The following ODAD2 variants were observed in gnomAD, a reference collection of about 807,000 sequenced individuals.
ODAD2 encodes the protein outer dynein arm-docking complex subunit 2.
A neutral mutation model predicts 106.8 loss-of-function variants in ODAD2; 89 were observed. The observed-to-expected ratio is 0.83, with a 90% CI of 0.70 to 0.99. The LOEUF (loss-of-function observed/expected upper bound fraction) is 0.99. Ranked by LOEUF, ODAD2 falls within the 50% of genes least tolerant of loss-of-function variation. The pLI, the probability that ODAD2 is intolerant of heterozygous loss-of-function variation, is 0.00. For missense variants in ODAD2, 1,168 were observed against 1,238.5 expected (o/e 0.94, Z 0.85); for synonymous variants, 404 against 436.2 (o/e 0.93, Z 0.92).
upstream of ODAD2, among the ~76,000 whole-genome samples, chr10:27,999,400 A>G (rs1331452669): frequency 3.3e-5 from 5 of 152,236 alleles, no homozygotes; most frequent in Middle Eastern, 6.8e-3. Flanking sequence ...GTACCCCCAA[A>G]TAGCATAGGG....
intron 17 of ODAD2, among the ~76,000 whole-genome samples, chr10:27,901,412 G>T (rs190981707): frequency 4.6e-5 from 7 of 152,164 alleles, no homozygotes; most frequent in Non-Finnish European, 8.8e-5. Flanking sequence ...CAACTAATGG[G>T]CAAAATAACC....
chr10:27,903,783 C>T lies in ODAD2; in HGVS notation c.2610+3880G>A, dbSNP rs550750423. On this transcript the variant is annotated intron_variant, in intron 17 of 19. Transcript: ENST00000305242. ...ACCTCCTATTAGATACAGCTGAGGC[C>T]CCACCAATACATGCAAGAAACCCTT... Among the ~76,000 whole-genome samples the T allele has an allele frequency of 2.2e-4, 33 of 152,124 alleles. 1 individual carries two copies. The South Asian group carries it at 5.0e-3, about 23-fold the overall frequency.
rs1849800418 is a variant in ODAD2, at chr10:27,985,172, T to C, written c.422A>G (p.Tyr141Cys). The C allele has an allele frequency of 6.3e-7, 1 of 1,579,468 alleles. No homozygotes were observed. Among genetic ancestry groups the C allele is most frequent in the Non-Finnish European group, 8.6e-7 (1 of 1,162,620 alleles). The part of the protein sequence containing the change: ...DPIVKILGSD[Y>C]NTMKENSIAL... ...AATTGAGTTTTCTTTCATTGTATTA[T>C]AATCAGAGCCCAGGATTTTTACTAT... Residue 141 changes from tyrosine to cysteine, a missense_variant, in exon 4 of 20, where the codon TAT becomes TGT. Around this residue, in one of 3 missense-constraint regions of ODAD2, gnomAD observed 430 missense variants for 452.2 expected, o/e 0.95. Coordinates refer to ENST00000305242, the MANE Select transcript of ODAD2 (RefSeq NM_018076.5).
chr10:27,847,595 TA>T (rs1051996343), intron 19 of ODAD2, among the ~76,000 whole-genome samples: 1 of 151,914 alleles, frequency 6.6e-6, no homozygotes, highest in African/African-American at 2.4e-5. Context: ...GAGAAAGAAA[TA>T]AAGGGTATTC....
At chr10:27,885,825 A>G in intron 17 of ODAD2, among the ~76,000 whole-genome samples, 1 of 97,208 alleles carries the variant, frequency 1.0e-5, no homozygotes, top group South Asian at 2.6e-4. Context: ...TATATAATAT[A>G]TAAATATATA....
intron 19 of ODAD2, chr10:27,813,385 T>C (rs964953830): frequency 6.6e-6 from 1 of 152,228 alleles, no homozygotes; most frequent in African/African-American, 2.4e-5. Flanking sequence ...CACGTATTTT[T>C]CCCTTTTCAA....
At chr10:27,941,947 T>C (rs764790751) in intron 12 of ODAD2, among the ~76,000 whole-genome samples, 5 of 152,176 alleles carry the variant, frequency 3.3e-5, no homozygotes, top group Non-Finnish European at 5.9e-5. Flanking sequence ...CCAGTGGGAC[T>C]GGCTTGAGAC....
At chr10:27,854,443 G>T (rs1048251764) in intron 19 of ODAD2, among the ~76,000 whole-genome samples, 3 of 152,088 alleles carry the variant, frequency 2.0e-5, no homozygotes, top group Admixed American at 2.0e-4. Context: ...AACCCAAACC[G>T]GAAATAAATA....
intron 6 of ODAD2, among the ~76,000 whole-genome samples, chr10:27,983,269 T>C (rs1849672904): frequency 6.6e-6 from 1 of 152,160 alleles, no homozygotes; most frequent in African/African-American, 2.4e-5. Flanking sequence ...TCTACAAGGA[T>C]CCTCTTCCCG....
At chr10:27,946,204 T>C (rs1305727416) in intron 10 of ODAD2, among the ~76,000 whole-genome samples, 1 of 148,310 alleles carries the variant, frequency 6.7e-6, no homozygotes, top group Non-Finnish European at 1.5e-5. Context: ...TTACATATAA[T>C]ATATAAATAT....
intron 19 of ODAD2, among the ~76,000 whole-genome samples, chr10:27,814,508 AG>A (rs1835977543): frequency 6.6e-6 from 1 of 152,168 alleles, no homozygotes; most frequent in South Asian, 2.1e-4. Flanking sequence ...TTCACACTTC[AG>A]CCTTCCACCT....
intron 19 of ODAD2, among the ~76,000 whole-genome samples, chr10:27,826,969 C>A (rs908046182): frequency 6.6e-6 from 1 of 152,038 alleles, no homozygotes; most frequent in African/African-American, 2.4e-5. Flanking sequence ...CACTTGCTGC[C>A]CCTATTTCCT....
chr10:27,827,213 T>C (rs1477719057), intron 19 of ODAD2, among the ~76,000 whole-genome samples: 1 of 152,074 alleles, frequency 6.6e-6, no homozygotes, highest in Non-Finnish European at 1.5e-5. Context: ...TAACCCATTA[T>C]GATATGACTC....
At chr10:27,816,986 G>A (rs1418506002) in intron 19 of ODAD2, among the ~76,000 whole-genome samples, 1 of 152,114 alleles carries the variant, frequency 6.6e-6, no homozygotes, top group Non-Finnish European at 1.5e-5. Flanking sequence ...CTGACCTCAG[G>A]TGATCCACCC....
chr10:27,956,171 A>G (rs1428508577), intron 10 of ODAD2, among the ~76,000 whole-genome samples: 8 of 152,088 alleles, frequency 5.3e-5, no homozygotes, highest in African/African-American at 1.9e-4. Flanking sequence ...ATGTGTAGGA[A>G]TGGCCATCCT....
Position 27,812,402 on chromosome 10 carries a change from T to TG in ODAD2, c.*109dup. 1 of 928,974 alleles carries TG rather than the reference T, an allele frequency of 1.1e-6. No individual in the cohort carries two copies. The highest frequency in any genetic ancestry group is 1.6e-6 in the Non-Finnish European group (1 of 622,680). 57.5% of individuals were successfully genotyped at this position (928,974 alleles called of 1,614,324 possible). On this transcript the variant is annotated 3_prime_UTR_variant, in exon 20 of 20. Coordinates refer to ENST00000305242, the MANE Select transcript of ODAD2 (RefSeq NM_018076.5). The stretch of plus-strand genomic sequence containing the variant: ...TTCAATTTGTGTGTTTTCATTTAGA[T>TG]GGTTGAAAGGGTTTGCTAACAACTG...
rs1045741948 is a variant in ODAD2 at position 27,914,667 on chromosome 10, T to C, written c.2496-6890A>G. Among the ~76,000 whole-genome samples the C allele has an allele frequency of 2.0e-5, 3 of 152,066 alleles. No individual in the cohort carries two copies. In the South Asian group the frequency reaches 6.2e-4, roughly 31 times the overall value. On this transcript the variant is annotated intron_variant, in intron 16 of 19. Coordinates refer to ENST00000305242, the MANE Select transcript of ODAD2 (RefSeq NM_018076.5). ...AGAAATATAGCATTTCCATTATTTATAAATATGTATGTATGTGTGTGTATA... is the reference window on the plus strand; with the variant it reads ...AGAAATATAGCATTTCCATTATTTACAAATATGTATGTATGTGTGTGTATA...
intron 7 of ODAD2, among the ~76,000 whole-genome samples, chr10:27,974,378 T>G: frequency 6.6e-6 from 1 of 152,204 alleles, no homozygotes; most frequent in East Asian, 1.9e-4. Context: ...ATTTAAGTCT[T>G]TTATCCCGCT....
chr10:27,916,155 A>G (rs148695561), intron 16 of ODAD2, among the ~76,000 whole-genome samples: 1,765 of 152,230 alleles, frequency 0.012, 37 homozygotes, highest in African/African-American at 0.04. Flanking sequence ...ACAGAGACTG[A>G]AAAGTGTGAA....
Sources: allele counts gnomAD v4.1 joint callset (sites outside exome capture counted in the v4.1 genomes callset), GRCh38; gene constraint gnomAD v4.1.1; regional missense constraint gnomAD v4.1.1; transcripts MANE v1.5; gene names NCBI Gene and HGNC (gene_info 2026-07-23, HGNC 2026-07-21).